TOGARAM1: variants seen among roughly 807,000 people sequenced by gnomAD.
The protein encoded by TOGARAM1 is TOG array regulator of axonemal microtubules 1.
TOGARAM1 carries 100 observed loss-of-function variants against 166.6 expected under a neutral mutation model. The observed-to-expected ratio is 0.60, with a 90% CI of 0.51 to 0.71. The LOEUF (loss-of-function observed/expected upper bound fraction) is 0.71, where lower values mean the gene tolerates loss of function less well. TOGARAM1 is among the 30% of genes least tolerant of loss of function. The pLI is 0.00. For missense variants in TOGARAM1, 2,029 were observed against 2,102.7 expected, an observed-to-expected ratio of 0.96 and a Z score of 0.69; for synonymous variants, 758 against 763.8, an observed-to-expected ratio of 0.99 and a Z score of 0.13.
intron 1 of TOGARAM1, among the ~76,000 whole-genome samples, chr14:44,970,291 G>C (rs779848068): frequency 1.3e-5 from 2 of 152,064 alleles, no homozygotes; most frequent in African/African-American, 2.4e-5. Flanking sequence ...TCCTACTTCT[G>C]TATGTTAATG....
At chr14:45,008,581 T>C (rs569050100) in intron 5 of TOGARAM1, among the ~76,000 whole-genome samples, 7 of 152,326 alleles carry the variant, frequency 4.6e-5, no homozygotes, top group South Asian at 4.1e-4. Context: ...AACTCTGATA[T>C]CTACCATCTG....
chr14:45,031,175 T>C (rs1277973336), intron 10 of TOGARAM1, among the ~76,000 whole-genome samples: 1 of 152,210 alleles, frequency 6.6e-6, no homozygotes, highest in East Asian at 1.9e-4. Flanking sequence ...TGATAGTTTC[T>C]AGTGACTAAT....
At chr14:45,005,906 C>CT (rs554131468) in intron 4 of TOGARAM1, 102 bp from the exon 5 acceptor site, 1,238 of 1,065,906 alleles carry the variant, frequency 1.2e-3, no homozygotes, top group Admixed American at 1.9e-3. Context: ...CTATAATGTG[C>CT]TTTTTTTATT....
At position 45,027,364 on chromosome 14, in the gene TOGARAM1, A is replaced by G; in HGVS notation, c.3394A>G (p.Asn1132Asp). The G allele has an allele frequency of 6.2e-7, 1 of 1,613,798 alleles. No homozygotes were observed. Among genetic ancestry groups the G allele is most frequent in the Non-Finnish European group, 8.5e-7 (1 of 1,179,928 alleles). ...CCAATCAGTGATATCTTCTGTGGAA[A>G]ATGGGGATACATTTTCAATTAAACA... ...CSQSVISSVE[N>D]GDTFSIKQSI... The change falls in exon 9 of 20, where the codon AAT (asparagine) becomes GAT (aspartate). Residue 1132 changes from asparagine (N) to aspartate (D), a missense_variant. Asn to Asp is a conservative substitution (Grantham distance 23, BLOSUM62 1). Transcript: ENST00000361462.
intron 18 of TOGARAM1, among the ~76,000 whole-genome samples, chr14:45,068,887 A>G (rs977299826): frequency 1.3e-5 from 2 of 152,050 alleles, no homozygotes; most frequent in African/African-American, 4.8e-5. Context: ...TCAACCTCAC[A>G]TCTGCTAACA....
chr14:45,051,875 C>T lies in TOGARAM1; in HGVS notation c.4314-561C>T, dbSNP rs544678569. On this transcript the variant is annotated intron_variant, in intron 14 of 19. Coordinates refer to ENST00000361462, the MANE Select transcript of TOGARAM1 (RefSeq NM_001308120.2). ...GTACCTGGCCACAGATGCTTCTTAA[C>T]TTACAATGAGGTTATATCCCAATAA... 2.0e-5 allele frequency among the ~76,000 whole-genome samples: 3 copies of T among 152,164 alleles called. No homozygotes were observed. The South Asian group carries it at 6.2e-4, about 32-fold the overall frequency.
chr14:45,027,541 A>G, intron 9 of TOGARAM1, 67 bp downstream of exon 9: 3 of 1,209,836 alleles, frequency 2.5e-6, no homozygotes. Context: ...TGTGTATATC[A>G]GATGTGGGGT....
intron 1 of TOGARAM1, among the ~76,000 whole-genome samples, chr14:44,981,841 CTTTTT>C (rs56409455): frequency 2.5e-5 from 2 of 80,304 alleles, no homozygotes. Context: ...TTTTCACTTA[CTTTTT>C]TTTTTTTTTT....
At chr14:44,998,687 TTGATA>T (rs1315569507) in intron 2 of TOGARAM1, among the ~76,000 whole-genome samples, 3 of 151,926 alleles carry the variant, frequency 2.0e-5, no homozygotes, top group African/African-American at 7.3e-5. Flanking sequence ...ATAAAGAGGC[TTGATA>T]TGATAGGGAG....
intron 3 of TOGARAM1, among the ~76,000 whole-genome samples, chr14:45,002,118 C>T (rs1887716388): frequency 6.6e-6 from 1 of 152,074 alleles, no homozygotes; most frequent in Non-Finnish European, 1.5e-5. Context: ...ATTTTAACTA[C>T]CCTTTTTTGC....
rs1880969451 is a variant in TOGARAM1, at chr14:45,028,216, G to A, written c.3545G>A (p.Arg1182Lys). Residue 1182 changes from arginine to lysine, a missense_variant, in exon 10 of 20, where the codon AGA becomes AAA. Around this residue, in one of 2 missense-constraint regions of TOGARAM1, gnomAD observed 1,453 missense variants for 1,432.2 expected, o/e 1.01. Transcript: ENST00000361462. Reference protein sequence around the residue: ...SISKSTYNKMRQKRKEEKELF... With the variant: ...SISKSTYNKMKQKRKEEKELF... ...TCTAAATCTACTTATAACAAGATGA[G>A]ACAAAAGAGAAAAGAAGAGAAAGAA... is the stretch of plus-strand genomic sequence containing the variant. 1 of 1,592,176 alleles carries A rather than the reference G, an allele frequency of 6.3e-7. No homozygotes were observed. Among genetic ancestry groups the A allele is most frequent in the African/African-American group, 1.4e-5 (1 of 73,038 alleles).
At chr14:44,969,110 TTTCC>T (rs369302120) in intron 1 of TOGARAM1, among the ~76,000 whole-genome samples, 19,731 of 139,024 alleles carry the variant, frequency 0.14, 1,610 homozygotes, top group Admixed American at 0.2. Context: ...TCTTTCTTTC[TTTCC>T]TTCCTTCCTT....
chr14:45,024,761 A>C (rs1021528742), intron 7 of TOGARAM1, among the ~76,000 whole-genome samples: 1 of 152,228 alleles, frequency 6.6e-6, no homozygotes, highest in Non-Finnish European at 1.5e-5. Context: ...GATCACTTAC[A>C]TGGATTTCTT....
intron 10 of TOGARAM1, among the ~76,000 whole-genome samples, chr14:45,029,507 AATT>A (rs1881040183): frequency 6.6e-6 from 1 of 152,206 alleles, no homozygotes; most frequent in South Asian, 2.1e-4. Flanking sequence ...ATGCTTACAC[AATT>A]ATTATCTTGA....
chr14:45,017,351 AG>A (rs1463008794), intron 7 of TOGARAM1, among the ~76,000 whole-genome samples: 1 of 152,006 alleles, frequency 6.6e-6, no homozygotes, highest in Non-Finnish European at 1.5e-5. Flanking sequence ...GTTAAACACT[AG>A]GGAATTTCTG....
intron 6 of TOGARAM1, among the ~76,000 whole-genome samples, chr14:45,011,435 CTG>C (rs1474816092): frequency 6.6e-6 from 1 of 152,186 alleles, no homozygotes; most frequent in Non-Finnish European, 1.5e-5. Flanking sequence ...ACCTCGGCCT[CTG>C]TAGTAGCTGG....
At chr14:44,989,991 G>A (rs1887043616) in intron 1 of TOGARAM1, among the ~76,000 whole-genome samples, 1 of 152,110 alleles carries the variant, frequency 6.6e-6, no homozygotes, top group African/African-American at 2.4e-5. Context: ...AGACCATCAG[G>A]CCTCATGAGA....
chr14:44,963,237 A>T lies in TOGARAM1; in HGVS notation c.816A>T (p.Glu272Asp). The change falls in exon 1 of 20, where the codon GAA becomes GAT. Residue 272 changes from glutamate (E) to aspartate (D), a missense_variant. Physicochemically the swap from Glu to Asp is conservative, Grantham distance 45 (BLOSUM62 2). Around this residue, in one of 2 missense-constraint regions of TOGARAM1, gnomAD observed 1,453 missense variants for 1,432.2 expected, o/e 1.01. Transcript: ENST00000361462. ...RKLGDQETEE[E>D]SETAFSALQQ... ...TTGGTGATCAGGAGACAGAAGAAGA[A>T]TCTGAGACAGCTTTCTCCGCACTTC... The T allele has an allele frequency of 6.2e-7, 1 of 1,614,184 alleles. No homozygotes were observed. The highest frequency in any genetic ancestry group is 8.5e-7 in the Non-Finnish European group (1 of 1,180,032).
intron 2 of TOGARAM1, among the ~76,000 whole-genome samples, chr14:44,997,803 A>T (rs1241364134): frequency 6.9e-6 from 1 of 145,834 alleles, no homozygotes. Flanking sequence ...ACTCCGTCTC[A>T]AAAAAAAAAA....
Sources: gnomAD v4.1 joint callset for allele counts (sites outside exome capture counted in the v4.1 genomes callset) on GRCh38, gnomAD v4.1.1 for gene constraint, gnomAD v4.1.1 regional missense constraint, MANE v1.5 for transcripts, NCBI Gene and HGNC (gene_info 2026-07-23, HGNC 2026-07-21) for gene names.